The following CADM4 variants were observed in gnomAD, a reference collection of about 807,000 sequenced individuals.
CADM4 encodes cell adhesion molecule 4, also known as TSLC1-like 2.
In CADM4, 13 loss-of-function variants were observed where a neutral mutation model predicts 43.9. That is an observed-to-expected ratio of 0.30 (90% confidence interval 0.19 to 0.47). The LOEUF (loss-of-function observed/expected upper bound fraction) is 0.47. Ranked by LOEUF, CADM4 falls within the 20% of genes least tolerant of loss-of-function variation. The pLI, the probability that CADM4 is intolerant of heterozygous loss-of-function variation, is 1.00. For missense variants in CADM4, 420 were observed against 527.0 expected, an observed-to-expected ratio of 0.80 and a Z score of 1.99; for synonymous variants, 209 against 220.9, an observed-to-expected ratio of 0.95 and a Z score of 0.48.
chr19:43,633,769 C>T (rs1468543413), intron 1 of CADM4, among the ~76,000 whole-genome samples: 3 of 151,528 alleles, frequency 2.0e-5, no homozygotes, highest in African/African-American at 4.9e-5. Context: ...CAACCTTGAA[C>T]ATGTGGGCTC....
intron 1 of CADM4, among the ~76,000 whole-genome samples, chr19:43,630,005 C>A (rs939888018): frequency 6.6e-6 from 1 of 151,834 alleles, no homozygotes; most frequent in Non-Finnish European, 1.5e-5. Flanking sequence ...GCCTCCCAGG[C>A]TCGAGTGATC....
chr19:43,627,061 C>T lies in CADM4; in HGVS notation c.364+105G>A. 2.7e-6 allele frequency: 4 copies of T among 1,481,232 alleles called. No homozygotes were observed. Among genetic ancestry groups the T allele is most frequent in the Non-Finnish European group, 3.6e-6 (4 of 1,103,708 alleles). 91.8% of individuals were successfully genotyped at this position (1,481,232 alleles called of 1,614,324 possible). On this transcript the variant is annotated intron_variant, in intron 3 of 8. Coordinates refer to ENST00000222374, the MANE Select transcript of CADM4 (RefSeq NM_145296.2). The surrounding 1 kb of genome is among the most constrained non-coding windows in gnomAD (Gnocchi z 4.0). The stretch of plus-strand genomic sequence containing the variant: ...AAGGGGAGAGGTCAGGAGCCAGATG[C>T]CCATCCAGGATGTTAAAAATAGCCA...
intron 1 of CADM4, among the ~76,000 whole-genome samples, chr19:43,633,885 G>A (rs570282833): frequency 4.2e-4 from 63 of 151,272 alleles, no homozygotes; most frequent in African/African-American, 1.4e-3. Context: ...TTTAGAGATG[G>A]GGGTCTCAAT....
chr19:43,628,856 C>A (rs1973573975), intron 1 of CADM4, among the ~76,000 whole-genome samples: 1 of 152,194 alleles, frequency 6.6e-6, no homozygotes, highest in African/African-American at 2.4e-5. Context: ...GTGTGGCCAT[C>A]CTGGATCATC....
At position 43,622,964 on chromosome 19, in the gene CADM4, G is replaced by GC. The variant is rs148968098; in HGVS notation, c.*365dup. On this transcript the variant is annotated 3_prime_UTR_variant, in exon 9 of 9. Coordinates refer to ENST00000222374, the MANE Select transcript of CADM4 (RefSeq NM_145296.2). The stretch of plus-strand genomic sequence containing the variant: ...AAAGAAATCTGTGTTCCCCTTCCCT[G>GC]CCCCCCCCACCCTTCCCAGAAACTG... 53,448 of 106,198 alleles carry GC rather than the reference G, an allele frequency of 0.5. 13,232 individuals carry two copies. Among genetic ancestry groups the GC allele is most frequent in the African/African-American group, 0.66 (16,869 of 25,530 alleles). The allele number at this position is 106,198 out of a possible 1,614,324, so 6.6% of individuals were successfully genotyped here.
In CADM4 at chr19:43,625,098, A is replaced by G. The variant is rs1393711078; in HGVS notation, c.908T>C (p.Leu303Pro). ...ASNKHGHARALYVLVVYDPGA... is the reference protein window; with the variant it reads ...ASNKHGHARAPYVLVVYDPGA... Reference sequence around the variant, plus strand: ...CTCACCGTAGACCACAAGTACGTAGAGCGCCCTCGCATGGCCGTGCTTATT... The same window carrying G: ...CTCACCGTAGACCACAAGTACGTAGGGCGCCCTCGCATGGCCGTGCTTATT... The change falls in exon 7 of 9, where the codon CTC becomes CCC. Residue 303 changes from leucine to proline, a missense_variant. Leu to Pro is a moderately conservative substitution (Grantham distance 98). Transcript: ENST00000222374. This position sits in a 1 kb window ranked among gnomAD's most constrained non-coding sequence, Gnocchi z 4.5. 3.7e-6 allele frequency: 6 copies of G among 1,609,612 alleles called. No individual in the cohort carries two copies. The highest frequency in any genetic ancestry group is 1.3e-5 in the African/African-American group (1 of 74,424).
chr19:43,640,738 T>G (rs999913423), upstream of CADM4, among the ~76,000 whole-genome samples: 2 of 151,932 alleles, frequency 1.3e-5, no homozygotes, highest in East Asian at 1.9e-4. Flanking sequence ...CCTTCCTCTC[T>G]CCCCATCTTT....
Position 43,627,433 on chromosome 19 carries a change from T to A in CADM4, c.212-115A>T, listed in dbSNP as rs138095497. 150 of 1,335,680 alleles carry A rather than the reference T, an allele frequency of 1.1e-4. No homozygotes were observed. In the African/African-American group the frequency reaches 2.0e-3, roughly 18 times the overall value. The allele number at this position is 1,335,680 out of a possible 1,614,324, so 82.7% of individuals were successfully genotyped here. A position where few individuals can be genotyped will look rare whatever the true frequency, so the allele number is the denominator to read the frequency against. ...TGCCTCTTTTCTCCAGCCATATCTA[T>A]GAGTCTGAGGTGTCCAACTATTTAC... On this transcript the variant is annotated intron_variant, in intron 2 of 8. Transcript: ENST00000222374. The surrounding 1 kb of genome is among the most constrained non-coding windows in gnomAD (Gnocchi z 4.0).
rs186871995 is a variant in CADM4 at position 43,637,946 on chromosome 19, G to T, written c.64+1781C>A. On this transcript the variant is annotated intron_variant, in intron 1 of 8. Coordinates refer to ENST00000222374, the MANE Select transcript of CADM4 (RefSeq NM_145296.2). ...TGTCAGCATTCTAAAGTACCATCAG[G>T]TTCTTTATTTACTGGATTCATTAGT... Among the ~76,000 whole-genome samples the T allele has an allele frequency of 1.9e-3, 288 of 152,212 alleles. 1 individual carries two copies. Among genetic ancestry groups the T allele is most frequent in the Non-Finnish European group, 2.3e-3 (159 of 68,008 alleles).
At chr19:43,641,198 A>G (rs1973768194), upstream of CADM4, among the ~76,000 whole-genome samples, 1 of 151,892 alleles carries the variant, frequency 6.6e-6, no homozygotes. Context: ...TGAACTCCTT[A>G]CCTCAGGTGA....
chr19:43,627,607 T>TAAAG lies in CADM4; in HGVS notation c.211+36_211+37insCTTT. 6.3e-7 allele frequency: 1 copy of TAAAG among 1,589,054 alleles called. No individual in the cohort carries two copies. Among genetic ancestry groups the TAAAG allele is most frequent in the Non-Finnish European group, 8.6e-7 (1 of 1,160,486 alleles). On this transcript the variant is annotated intron_variant, in intron 2 of 8. Coordinates refer to ENST00000222374, the MANE Select transcript of CADM4 (RefSeq NM_145296.2). This position sits in a 1 kb window ranked among gnomAD's most constrained non-coding sequence, Gnocchi z 4.0. ...GGGAGCCTGGGCCCCAGCCCTCTCT[T>TAAAG]CCTTTAAGACTCCTGAGTCTGGTCC...
At chr19:43,634,417 C>A (rs1973672456) in intron 1 of CADM4, among the ~76,000 whole-genome samples, 1 of 152,194 alleles carries the variant, frequency 6.6e-6, no homozygotes, top group Admixed American at 6.5e-5. Flanking sequence ...AACTCACCAT[C>A]TCCTGGGAGC....
intron 1 of CADM4, among the ~76,000 whole-genome samples, chr19:43,631,296 G>A (rs138778264): frequency 1.7e-3 from 260 of 151,584 alleles, no homozygotes; most frequent in African/African-American, 6.0e-3. Context: ...AGCCAAGATC[G>A]CGCCACTGCA....
At position 43,639,824 on chromosome 19, in the gene CADM4, C is replaced by A. The variant is rs775104099; in HGVS notation, c.-34G>T. ...CGCCGCCGCCGCCGCCGCTCGCTCC[C>A]GGCCCGGCACCTGCACCGCCCGCGC... On this transcript the variant is annotated 5_prime_UTR_variant, in exon 1 of 9. Transcript: ENST00000222374. The A allele has an allele frequency of 1.5e-5, 15 of 991,098 alleles. No homozygotes were observed. In the South Asian group the frequency reaches 4.9e-4, roughly 33 times the overall value. 61.4% of individuals were successfully genotyped at this position (991,098 alleles called of 1,614,324 possible).
intron 1 of CADM4, among the ~76,000 whole-genome samples, chr19:43,628,309 C>A (rs1453988914): frequency 6.6e-6 from 1 of 151,270 alleles, no homozygotes; most frequent in Non-Finnish European, 1.5e-5. Flanking sequence ...GTGGTGCGCA[C>A]CTGTAGTCCC....
chr19:43,634,383 G>A (rs1215839059), intron 1 of CADM4, among the ~76,000 whole-genome samples: 1 of 152,186 alleles, frequency 6.6e-6, no homozygotes, highest in African/African-American at 2.4e-5. Flanking sequence ...GAGGCTTAGC[G>A]GGTCCCAGGC....
chr19:43,639,540 G>A (rs1343644508), intron 1 of CADM4, among the ~76,000 whole-genome samples, 187 bp downstream of exon 1: 2 of 150,596 alleles, frequency 1.3e-5, no homozygotes, highest in East Asian at 3.9e-4. Flanking sequence ...ACGGCGGCCG[G>A]GCCCCGCGCC....
In CADM4 at chr19:43,625,156, C is replaced by T; in HGVS notation, c.850G>A (p.Ala284Thr). The change falls in exon 7 of 9, where the codon GCG (alanine) becomes ACG (threonine). Residue 284 changes from alanine (A) to threonine (T), a missense_variant. Transcript: ENST00000222374. The surrounding 1 kb of genome is among the most constrained non-coding windows in gnomAD (Gnocchi z 4.5). ...TCGCAAGTGTAGGTGCCGTTATCCG[C>T]GGATACCAGACCCGGCAGCGTGAGC... ...ETLTLPGLVS[A>T]DNGTYTCEAS... 6.2e-7 allele frequency: 1 copy of T among 1,614,178 alleles called. No individual in the cohort carries two copies. Among genetic ancestry groups the T allele is most frequent in the South Asian group, 1.1e-5 (1 of 91,080 alleles).
intron 1 of CADM4, among the ~76,000 whole-genome samples, chr19:43,628,830 A>G (rs1973573593): frequency 1.3e-5 from 2 of 152,204 alleles, no homozygotes; most frequent in Admixed American, 6.5e-5. Flanking sequence ...GCCAGCACCA[A>G]TCGCCAGCTG....
Sources: gnomAD v4.1 joint callset for allele counts (sites outside exome capture counted in the v4.1 genomes callset) on GRCh38, gnomAD v4.1.1 for gene constraint, Gnocchi (gnomAD v3.1) non-coding constraint, MANE v1.5 for transcripts, NCBI Gene and HGNC (gene_info 2026-07-23, HGNC 2026-07-21) for gene names.